Variants in PARD3 observed in about 807,000 individuals in gnomAD.
The protein encoded by PARD3 is partitioning defective 3 homolog.
A neutral mutation model predicts 155.4 loss-of-function variants in PARD3; 75 were observed. The ratio of observed to expected loss-of-function variants is 0.48; its 90% CI spans 0.40 to 0.58. The LOEUF is 0.58. Ranked by LOEUF, PARD3 falls within the 20% of genes least tolerant of loss-of-function variation. The probability of loss-of-function intolerance (pLI) is 0.00; values close to 1 mark genes in which losing one functional copy is unlikely to be tolerated. For missense variants in PARD3, 1,642 were observed against 1,721.7 expected (o/e 0.95, Z 0.82); for synonymous variants, 576 against 610.5 (o/e 0.94, Z 0.83).
chr10:34,813,096 A>G (rs1338907864), intron 1 of PARD3, among the ~76,000 whole-genome samples: 1 of 152,244 alleles, frequency 6.6e-6, no homozygotes, highest in Non-Finnish European at 1.5e-5. Context: ...TCAAAGCTTC[A>G]GAATTTCTGT....
intron 11 of PARD3, 106 bp from the exon 12 acceptor site, chr10:34,372,642 C>G (rs2134645016): frequency 3.7e-6 from 3 of 806,206 alleles, no homozygotes; most frequent in Non-Finnish European, 6.4e-6. Context: ...TTCTTAAAAT[C>G]CACAAAATAT....
chr10:34,239,368 T>A (rs538367552), intron 22 of PARD3, among the ~76,000 whole-genome samples: 1 of 152,308 alleles, frequency 6.6e-6, no homozygotes, highest in South Asian at 2.1e-4. Context: ...AAGCGGAGCC[T>A]CCGCCTTGAG....
At chr10:34,164,900 A>G (rs1949453542) in intron 22 of PARD3, among the ~76,000 whole-genome samples, 1 of 152,216 alleles carries the variant, frequency 6.6e-6, no homozygotes, top group South Asian at 2.1e-4. Context: ...TATTCATAAT[A>G]GTAATCAAGT....
In PARD3 at chr10:34,490,765, C is replaced by T. The variant is rs1231535395; in HGVS notation, c.404-20502G>A. On this transcript the variant is annotated intron_variant, in intron 3 of 24. Transcript: ENST00000374788. ...TCCAGGGCAGTACTTAAGACCTCCC[C>T]ATCCAAACGTCACACTTGTTTGTAT... Among the ~76,000 whole-genome samples the T allele has an allele frequency of 2.0e-5, 3 of 152,182 alleles. No individual in the cohort carries two copies. In the South Asian group the frequency reaches 6.2e-4, roughly 32 times the overall value.
rs180847639 is a variant in PARD3 at position 34,241,188 on chromosome 10, G to A, written c.3419+28469C>T. Reference sequence around the variant, plus strand: ...GGGGCTTGGCTTGTGCTTTAGACAGGACATCAGGTAGACCATGCTAAAGAG... The same window carrying A: ...GGGGCTTGGCTTGTGCTTTAGACAGAACATCAGGTAGACCATGCTAAAGAG... On this transcript the variant is annotated intron_variant, in intron 22 of 24. Transcript: ENST00000374788. Among the ~76,000 whole-genome samples the A allele has an allele frequency of 1.7e-3, 265 of 152,348 alleles. 2 individuals are homozygous for A. Among genetic ancestry groups the A allele is most frequent in the Middle Eastern group, 0.01 (3 of 294 alleles).
At chr10:34,133,638 G>A (rs1239932045) in intron 22 of PARD3, among the ~76,000 whole-genome samples, 1 of 152,182 alleles carries the variant, frequency 6.6e-6, no homozygotes, top group African/African-American at 2.4e-5. Flanking sequence ...CCCCTCCTGC[G>A]TGATGTGATT....
At chr10:34,524,177 G>A (rs1443503822) in intron 2 of PARD3, among the ~76,000 whole-genome samples, 1 of 152,070 alleles carries the variant, frequency 6.6e-6, no homozygotes, top group Non-Finnish European at 1.5e-5. Flanking sequence ...CTTTAATAAA[G>A]CCATTTCCAG....
chr10:34,470,156 T>C lies in PARD3; in HGVS notation c.511A>G (p.Thr171Ala), dbSNP rs1259348921. The C allele has an allele frequency of 6.2e-7, 1 of 1,613,446 alleles. No individual in the cohort carries two copies. The highest frequency in any genetic ancestry group is 2.2e-5 in the East Asian group (1 of 44,872). Residue 171 changes from threonine (T) to alanine (A), a missense_variant, in exon 4 of 25, where the codon ACA (threonine) becomes GCA (alanine). By Grantham distance (58) the Thr-to-Ala change is moderately conservative. Transcript: ENST00000374788. ...SSEEPSRKNPTRWSTTAGFLK... is the reference protein window; with the variant it reads ...SSEEPSRKNPARWSTTAGFLK... ...AAGCCAGCTGTTGTTGACCAGCGTGTGGGATTTTTCCTTGAAGGCTCTTCA... is the reference window on the plus strand; with the variant it reads ...AAGCCAGCTGTTGTTGACCAGCGTGCGGGATTTTTCCTTGAAGGCTCTTCA...
chr10:34,343,725 T>C lies in PARD3; in HGVS notation c.2219-1909A>G, dbSNP rs1012611157. The C allele has an allele frequency of 1.8e-5, 18 of 984,806 alleles. No homozygotes were observed. The African/African-American group carries it at 3.1e-4, about 17-fold the overall frequency. 61.0% of individuals were successfully genotyped at this position (984,806 alleles called of 1,614,324 possible). A position where few individuals can be genotyped will look rare whatever the true frequency, so the allele number is the denominator to read the frequency against. ...ATGTTTGCTAGTAGTTGGTACATCA[T>C]AAATGTGAAACCTTCTATGACTTGA... On this transcript the variant is annotated intron_variant, in intron 15 of 24. Transcript: ENST00000374788.
chr10:34,505,990 G>A (rs2081037453), intron 3 of PARD3, among the ~76,000 whole-genome samples: 1 of 152,162 alleles, frequency 6.6e-6, no homozygotes, highest in South Asian at 2.1e-4. Flanking sequence ...GCCGGGAATT[G>A]TGGCAGGTGC....
intron 2 of PARD3, among the ~76,000 whole-genome samples, chr10:34,535,704 G>A (rs2083177369): frequency 6.6e-6 from 1 of 151,834 alleles, no homozygotes; most frequent in South Asian, 2.1e-4. Context: ...TTCAACTCCT[G>A]ACATCAGGTG....
At chr10:34,206,606 A>G (rs1951491807) in intron 22 of PARD3, among the ~76,000 whole-genome samples, 1 of 152,050 alleles carries the variant, frequency 6.6e-6, no homozygotes. Flanking sequence ...GAGCAGAGCT[A>G]CTCCCTGGGC....
intron 22 of PARD3, among the ~76,000 whole-genome samples, chr10:34,173,265 A>G (rs1167927420): frequency 1.3e-5 from 2 of 152,196 alleles, no homozygotes; most frequent in African/African-American, 4.8e-5. Context: ...TAACCAGAGT[A>G]CTGGCAAACC....
chr10:34,455,362 A>G (rs1040706384), intron 4 of PARD3, among the ~76,000 whole-genome samples: 4 of 152,180 alleles, frequency 2.6e-5, no homozygotes, highest in African/African-American at 4.8e-5. Context: ...CAGCTCTGCA[A>G]TTATGGTAAA....
At chr10:34,269,967 T>G in intron 21 of PARD3, 68 bp from the exon 22 acceptor site, 1 of 1,417,344 alleles carries the variant, frequency 7.1e-7, no homozygotes, top group South Asian at 1.3e-5. Context: ...TATAGAAACA[T>G]TCATCAAAAT....
At chr10:34,743,043 T>C (rs1420542867) in intron 1 of PARD3, among the ~76,000 whole-genome samples, 1 of 152,258 alleles carries the variant, frequency 6.6e-6, no homozygotes, top group Non-Finnish European at 1.5e-5. Flanking sequence ...GGATTATAAA[T>C]TCATATGTTG....
chr10:34,392,483 A>G (rs180796739), intron 7 of PARD3, among the ~76,000 whole-genome samples: 27 of 152,324 alleles, frequency 1.8e-4, no homozygotes, highest in South Asian at 1.0e-3. Context: ...AATAAATAAG[A>G]TATCTGCCAA....
intron 3 of PARD3, among the ~76,000 whole-genome samples, chr10:34,498,701 C>A (rs1461328253): frequency 6.6e-6 from 1 of 152,136 alleles, no homozygotes; most frequent in Non-Finnish European, 1.5e-5. Flanking sequence ...CTCTTGAACC[C>A]AGGAGGCGGA....
chr10:34,187,351 CA>C (rs35134145), intron 22 of PARD3, among the ~76,000 whole-genome samples: 4,256 of 152,150 alleles, frequency 0.028, 87 homozygotes, highest in Non-Finnish European at 0.04. Context: ...TAAACATGTC[CA>C]AAAGTCCCAG....
Sources: allele counts gnomAD v4.1 joint callset (sites outside exome capture counted in the v4.1 genomes callset), GRCh38; gene constraint gnomAD v4.1.1; transcripts MANE v1.5; gene names NCBI Gene and HGNC (gene_info 2026-07-23, HGNC 2026-07-21).